Variants in CDH23 observed in about 807,000 individuals in gnomAD.
CDH23 encodes the protein cadherin-23.
A neutral mutation model predicts 317.1 loss-of-function variants in CDH23; 189 were observed. The observed-to-expected ratio is 0.60, with a 90% CI of 0.53 to 0.67. CDH23 has a LOEUF of 0.67. Among genes scored for constraint, CDH23 ranks in the 30% least tolerant of loss-of-function variants. The pLI is 0.00. For missense variants in CDH23, 4,401 were observed against 4,592.4 expected (o/e 0.96, Z 1.20); for synonymous variants, 1,839 against 1,876.8 (o/e 0.98, Z 0.52).
intron 11 of CDH23, among the ~76,000 whole-genome samples, chr10:71,632,461 G>T (rs1012300579): frequency 6.6e-6 from 1 of 152,202 alleles, no homozygotes; most frequent in Non-Finnish European, 1.5e-5. Context: ...GAGAATGGGG[G>T]TGGTACCAGT....
At chr10:71,435,933 T>G (rs1324156250) in intron 1 of CDH23, among the ~76,000 whole-genome samples, 1 of 152,244 alleles carries the variant, frequency 6.6e-6, no homozygotes, top group Admixed American at 6.5e-5. Context: ...GTCTCTTCCC[T>G]CTGGCATCAG....
At position 71,510,065 on chromosome 10, in the gene CDH23, T is replaced by A. The variant is rs1853870844; in HGVS notation, c.146-17T>A. 2.5e-6 allele frequency: 4 copies of A among 1,613,984 alleles called. No individual in the cohort carries two copies. In the African/African-American group the frequency reaches 4.0e-5, roughly 16 times the overall value. ...CCTCTCTTATTTTCCCTCTGCTCTC[T>A]CCCTTGGCTACTCCAGGTTCTTCTG... is the stretch of plus-strand genomic sequence containing the variant. On this transcript the variant is annotated splice_polypyrimidine_tract_variant and intron_variant, in intron 3 of 69. Coordinates refer to ENST00000224721, the MANE Select transcript of CDH23 (RefSeq NM_022124.6).
intron 14 of CDH23, among the ~76,000 whole-genome samples, chr10:71,656,220 C>G (rs992127988): frequency 6.6e-6 from 1 of 152,196 alleles, no homozygotes; most frequent in Non-Finnish European, 1.5e-5. Flanking sequence ...TCAGGGCATA[C>G]GAGTCCAAGG....
intron 34 of CDH23, 46 bp downstream of exon 34, chr10:71,734,704 C>T: frequency 7.8e-7 from 1 of 1,276,590 alleles, no homozygotes. Flanking sequence ...TTGGCTGTGG[C>T]CAGTGCTGGC....
chr10:71,734,667 C>A lies in CDH23; in HGVS notation c.4209+9C>A. ...GCCTCTGCCTACAGAAGGTGAGTAG[C>A]CTGTGGCTGGAGCTTCCCCTGTGCT... On this transcript the variant is annotated intron_variant, in intron 34 of 69. Coordinates refer to ENST00000224721, the MANE Select transcript of CDH23 (RefSeq NM_022124.6). 7.0e-7 allele frequency: 1 copy of A among 1,432,962 alleles called. No individual in the cohort carries two copies. The highest frequency in any genetic ancestry group is 9.4e-7 in the Non-Finnish European group (1 of 1,060,292). The allele number at this position is 1,432,962 out of a possible 1,614,324, so 88.8% of individuals were successfully genotyped here. A position where few individuals can be genotyped will look rare whatever the true frequency, so the allele number is the denominator to read the frequency against.
chr10:71,539,886 C>T (rs1452243572), intron 6 of CDH23, among the ~76,000 whole-genome samples: 1 of 152,078 alleles, frequency 6.6e-6, no homozygotes, highest in Non-Finnish European at 1.5e-5. Flanking sequence ...TTTCCCTCTC[C>T]TTGAAGACAG....
At chr10:71,513,580 AG>A (rs1369571360) in intron 6 of CDH23, among the ~76,000 whole-genome samples, 1 of 152,230 alleles carries the variant, frequency 6.6e-6, no homozygotes, top group Admixed American at 6.5e-5. Context: ...AGGGTCTGCC[AG>A]GGTGATCAGA....
chr10:71,724,202 G>A (rs2132800554), intron 29 of CDH23, 97 bp downstream of exon 29: 2 of 1,319,846 alleles, frequency 1.5e-6, no homozygotes, highest in Non-Finnish European at 2.1e-6. Context: ...GAGGCCAAGA[G>A]AACCCCCAGG....
At chr10:71,519,209 C>G (rs114301705) in intron 6 of CDH23, among the ~76,000 whole-genome samples, 1 of 152,184 alleles carries the variant, frequency 6.6e-6, no homozygotes, top group Non-Finnish European at 1.5e-5. Flanking sequence ...GATTCTACGG[C>G]ACTCACCGGA....
In CDH23 at chr10:71,812,795, G is replaced by A. The variant is rs557490269; in HGVS notation, c.9538G>A (p.Val3180Ile). 9 of 1,613,346 alleles carry A rather than the reference G, an allele frequency of 5.6e-6. No homozygotes were observed. The highest frequency in any genetic ancestry group is 7.6e-6 in the Non-Finnish European group (9 of 1,179,580). The change falls in exon 68 of 70, where the codon GTC (valine) becomes ATC (isoleucine). Residue 3180 changes from valine to isoleucine, a missense_variant. Coordinates refer to ENST00000224721, the MANE Select transcript of CDH23 (RefSeq NM_022124.6). ...AACTTTTGGGCGTGAGCCAGCAGCT[G>A]TCAAGCCTGATGATGACCGATACCT... ...HGTFGREPAA[V>I]KPDDDRYLRA... is the part of the protein sequence containing the mutation.
At position 71,812,336 on chromosome 10, in the gene CDH23, C is replaced by A. The variant is rs187068482; in HGVS notation, c.9381-144C>A. 278 of 1,599,070 alleles carry A rather than the reference C, an allele frequency of 1.7e-4. No individual in the cohort carries two copies. The highest frequency in any genetic ancestry group is 6.6e-4 in the Middle Eastern group (4 of 6,060). ...AGGATCCTATGGTGGGAGCATGCAC[C>A]ACAGGCACCAGGGCCTCACACCCCA... On this transcript the variant is annotated intron_variant, in intron 66 of 69. Coordinates refer to ENST00000224721, the MANE Select transcript of CDH23 (RefSeq NM_022124.6).
At chr10:71,402,461 C>G (rs543399273) in intron 1 of CDH23, among the ~76,000 whole-genome samples, 8 of 152,300 alleles carry the variant, frequency 5.3e-5, no homozygotes, top group African/African-American at 1.9e-4. Flanking sequence ...TTAGTTTTCT[C>G]ATCTGTAAAA....
chr10:71,626,882 A>T (rs991471728), intron 11 of CDH23, among the ~76,000 whole-genome samples: 3 of 152,216 alleles, frequency 2.0e-5, no homozygotes, highest in African/African-American at 7.2e-5. Flanking sequence ...GATTTCATCA[A>T]TGAAGTAAAG....
chr10:71,547,174 C>A (rs1856328493), intron 6 of CDH23, among the ~76,000 whole-genome samples: 1 of 152,156 alleles, frequency 6.6e-6, no homozygotes. Context: ...ATTGGAGACC[C>A]AGAGAATAGC....
At chr10:71,579,771 T>C (rs1858496186) in intron 9 of CDH23, among the ~76,000 whole-genome samples, 1 of 152,142 alleles carries the variant, frequency 6.6e-6, no homozygotes, top group Admixed American at 6.5e-5. Context: ...TTGGTGCTGA[T>C]CTTCTTCATG....
At chr10:71,505,586 C>T (rs78499909) in intron 3 of CDH23, among the ~76,000 whole-genome samples, 9 of 152,078 alleles carry the variant, frequency 5.9e-5, no homozygotes, top group Non-Finnish European at 7.3e-5. Flanking sequence ...CACTCACAGG[C>T]GCTGGCAGTT....
At chr10:71,490,677 T>C (rs1011490764) in intron 3 of CDH23, among the ~76,000 whole-genome samples, 2 of 152,244 alleles carry the variant, frequency 1.3e-5, no homozygotes, top group African/African-American at 4.8e-5. Context: ...TGATATCTTA[T>C]GAATGACTTG....
chr10:71,810,125 G>C (rs754601036), intron 61 of CDH23, 49 bp downstream of exon 61: 3 of 1,600,008 alleles, frequency 1.9e-6, no homozygotes, highest in Non-Finnish European at 2.6e-6. Flanking sequence ...GAGAAGGAAG[G>C]GGAGGCCAGG....
intron 9 of CDH23, among the ~76,000 whole-genome samples, chr10:71,610,275 T>C (rs1860796143): frequency 6.6e-6 from 1 of 152,222 alleles, no homozygotes; most frequent in East Asian, 1.9e-4. Context: ...TGTGCTGGGA[T>C]TACAGGCATG....
Sources: gnomAD v4.1 joint callset for allele counts (sites outside exome capture counted in the v4.1 genomes callset) on GRCh38, gnomAD v4.1.1 for gene constraint, MANE v1.5 for transcripts, NCBI Gene and HGNC (gene_info 2026-07-23, HGNC 2026-07-21) for gene names.